The following PCCA variants were observed in gnomAD, a reference collection of about 807,000 sequenced individuals.
PCCA encodes the protein propionyl-CoA carboxylase subunit alpha.
In PCCA, 74 loss-of-function variants were observed where a neutral mutation model predicts 101.3. That is an observed-to-expected ratio of 0.73 (90% CI 0.61 to 0.89). The LOEUF (loss-of-function observed/expected upper bound fraction) is 0.89, where lower values mean the gene tolerates loss of function less well. PCCA is among the 40% of genes least tolerant of loss of function. The pLI is 0.00. For missense variants in PCCA, 891 were observed against 907.0 expected (o/e 0.98, Z 0.23); for synonymous variants, 294 against 313.6 (o/e 0.94, Z 0.66).
At chr13:100,424,102 C>T (rs1463827838) in intron 19 of PCCA, among the ~76,000 whole-genome samples, 2 of 152,058 alleles carry the variant, frequency 1.3e-5, no homozygotes, top group Admixed American at 1.3e-4. Flanking sequence ...TGCCTTTTTT[C>T]CCCCCATCTT....
chr13:100,314,722 G>A (rs1188229450), intron 16 of PCCA, among the ~76,000 whole-genome samples: 1 of 152,126 alleles, frequency 6.6e-6, no homozygotes, highest in Non-Finnish European at 1.5e-5. Flanking sequence ...AAAATAAATG[G>A]CTTCTTCTCT....
Position 100,425,621 on chromosome 13 carries a change from G to C in PCCA, c.1747-12G>C. On this transcript the variant is annotated splice_polypyrimidine_tract_variant and intron_variant, in intron 19 of 23. Coordinates refer to ENST00000376285, the MANE Select transcript of PCCA (RefSeq NM_000282.4). ...TTCTTCATGGTAATGGTCTTATTTG[G>C]TGTCACAACAGGTGGAAGTTGATGG... 2.5e-6 allele frequency: 4 copies of C among 1,573,936 alleles called. No homozygotes were observed. Among genetic ancestry groups the C allele is most frequent in the Non-Finnish European group, 3.5e-6 (4 of 1,143,420 alleles).
intron 18 of PCCA, among the ~76,000 whole-genome samples, chr13:100,366,070 G>A (rs1303293289): frequency 1.6e-4 from 25 of 152,226 alleles, no homozygotes; most frequent in Non-Finnish European, 3.7e-4. Flanking sequence ...ATGTAACTTG[G>A]TGTGGGGTAG....
chr13:100,275,294 A>G (rs1026518141), intron 12 of PCCA, among the ~76,000 whole-genome samples: 1 of 152,120 alleles, frequency 6.6e-6, no homozygotes, highest in Non-Finnish European at 1.5e-5. Flanking sequence ...CCATGGGTGC[A>G]GGAGGGCTGT....
chr13:100,247,653 A>G (rs543067780), intron 8 of PCCA, among the ~76,000 whole-genome samples: 1 of 151,580 alleles, frequency 6.6e-6, no homozygotes, highest in South Asian at 2.1e-4. Context: ...AGCTGTGACT[A>G]CAGGTGCCTG....
intron 6 of PCCA, among the ~76,000 whole-genome samples, chr13:100,159,077 AT>A (rs1467709190): frequency 7.0e-6 from 1 of 142,404 alleles, no homozygotes; most frequent in African/African-American, 2.5e-5. Flanking sequence ...TATTAAAAAA[AT>A]GCTGCCTTTT....
At chr13:100,116,102 C>T (rs892726696) in intron 4 of PCCA, among the ~76,000 whole-genome samples, 1 of 152,142 alleles carries the variant, frequency 6.6e-6, no homozygotes, top group Non-Finnish European at 1.5e-5. Flanking sequence ...TTTGCATCCT[C>T]AGCACGTGAT....
At chr13:100,261,875 A>G (rs1477889469) in intron 9 of PCCA, among the ~76,000 whole-genome samples, 1 of 152,176 alleles carries the variant, frequency 6.6e-6, no homozygotes, top group Non-Finnish European at 1.5e-5. Context: ...TAAAATATTA[A>G]GCAGTGTTCT....
At chr13:100,208,058 AACCCC>A in intron 6 of PCCA, among the ~76,000 whole-genome samples, 1 of 152,034 alleles carries the variant, frequency 6.6e-6, no homozygotes, top group South Asian at 2.1e-4. Flanking sequence ...CTTGTCTAAT[AACCCC>A]TATACCTCTA....
chr13:100,392,787 A>C (rs1009513734), intron 19 of PCCA, among the ~76,000 whole-genome samples: 1 of 152,200 alleles, frequency 6.6e-6, no homozygotes, highest in African/African-American at 2.4e-5. Flanking sequence ...GTAGCGTTTT[A>C]ATGAATTCAC....
chr13:100,368,255 CTA>C (rs1017335961), intron 18 of PCCA, among the ~76,000 whole-genome samples: 1 of 151,712 alleles, frequency 6.6e-6, no homozygotes, highest in Non-Finnish European at 1.5e-5. Flanking sequence ...TTGAAAAAAA[CTA>C]ATACTGCTTC....
At position 100,270,733 on chromosome 13, in the gene PCCA, G is replaced by A. The variant is rs1595043580; in HGVS notation, c.914+1950G>A. 2.0e-5 allele frequency among the ~76,000 whole-genome samples: 3 copies of A among 152,156 alleles called. No individual in the cohort carries two copies. In the South Asian group the frequency reaches 6.2e-4, roughly 32 times the overall value. Reference sequence around the variant, plus strand: ...AGTTCCTGGAGTAAGAATCGGCTGGGCATGGTGGCTCACACCTGTAATCTT... The same window carrying A: ...AGTTCCTGGAGTAAGAATCGGCTGGACATGGTGGCTCACACCTGTAATCTT... On this transcript the variant is annotated intron_variant, in intron 11 of 23. Coordinates refer to ENST00000376285, the MANE Select transcript of PCCA (RefSeq NM_000282.4).
At chr13:100,340,004 A>G (rs973549497) in intron 17 of PCCA, among the ~76,000 whole-genome samples, 153 bp from the exon 18 acceptor site, 1 of 152,192 alleles carries the variant, frequency 6.6e-6, no homozygotes, top group Non-Finnish European at 1.5e-5. Flanking sequence ...TTGCTTCCTC[A>G]ATGTCCGCAC....
intron 21 of PCCA, among the ~76,000 whole-genome samples, chr13:100,495,068 A>C (rs575190061): frequency 2.0e-5 from 3 of 151,962 alleles, no homozygotes; most frequent in Admixed American, 6.6e-5. Context: ...CATATTCGGC[A>C]ATGTCTGGAG....
At chr13:100,209,491 A>G (rs763626902) in intron 7 of PCCA, 28 bp downstream of exon 7, 35 of 1,594,172 alleles carry the variant, frequency 2.2e-5, no homozygotes, top group Admixed American at 5.0e-5. Flanking sequence ...CTTTTATTGT[A>G]TATGTCTTCA....
intron 4 of PCCA, among the ~76,000 whole-genome samples, chr13:100,122,904 G>C (rs1027160914): frequency 6.6e-6 from 1 of 152,214 alleles, no homozygotes; most frequent in Non-Finnish European, 1.5e-5. Context: ...AGGAGCAAGG[G>C]AAGGATCTCA....
chr13:100,363,988 C>G (rs2074914963), intron 18 of PCCA, among the ~76,000 whole-genome samples: 1 of 152,142 alleles, frequency 6.6e-6, no homozygotes, highest in South Asian at 2.1e-4. Context: ...GCATATTCAT[C>G]CTGGCTGGCT....
At chr13:100,297,796 G>C (rs1377261310) in intron 12 of PCCA, among the ~76,000 whole-genome samples, 2 of 152,114 alleles carry the variant, frequency 1.3e-5, no homozygotes, top group African/African-American at 4.8e-5. Flanking sequence ...TATGGCATTT[G>C]ATAATTTTTT....
chr13:100,401,130 C>T (rs184065846), intron 19 of PCCA, among the ~76,000 whole-genome samples: 2 of 152,052 alleles, frequency 1.3e-5, no homozygotes, highest in Non-Finnish European at 2.9e-5. Flanking sequence ...ATTGACTTGA[C>T]GTGTTCCCTT....
Sources: gnomAD v4.1 joint callset for allele counts (sites outside exome capture counted in the v4.1 genomes callset) on GRCh38, gnomAD v4.1.1 for gene constraint, MANE v1.5 for transcripts, NCBI Gene and HGNC (gene_info 2026-07-23, HGNC 2026-07-21) for gene names.